The following TSPEAR variants were observed in gnomAD, a reference collection of about 807,000 sequenced individuals.
TSPEAR encodes thrombospondin type laminin G domain and EAR repeats.
Under a neutral mutation model 71.6 loss-of-function variants are expected in TSPEAR, and 69 were observed. The observed-to-expected ratio is 0.96, with a 90% CI of 0.79 to 1.18. The LOEUF is 1.18. Ranked by LOEUF, TSPEAR falls within the 50% of genes most tolerant of loss-of-function variation. TSPEAR has a pLI of 0.00. For missense variants in TSPEAR, 971 were observed against 894.9 expected, an observed-to-expected ratio of 1.09 and a Z score of -1.09; for synonymous variants, 402 against 387.2, an observed-to-expected ratio of 1.04 and a Z score of -0.45.
intron 1 of TSPEAR, among the ~76,000 whole-genome samples, chr21:44,649,573 C>T (rs1005522641): frequency 1.3e-5 from 2 of 152,230 alleles, no homozygotes; most frequent in South Asian, 2.1e-4. Flanking sequence ...GTGGCCCACA[C>T]GCATGCCACA....
chr21:44,658,864 G>C (rs931687969), intron 1 of TSPEAR, among the ~76,000 whole-genome samples: 4 of 152,082 alleles, frequency 2.6e-5, no homozygotes, highest in African/African-American at 9.7e-5. Flanking sequence ...TGTTGGGGGA[G>C]GGTAGAAGAA....
rs140542643 is a variant in TSPEAR, at chr21:44,567,919, G to A, written c.169C>T (p.Arg57Trp). The A allele has an allele frequency of 7.5e-4, 1,198 of 1,605,370 alleles. 2 individuals are homozygous for A. Among genetic ancestry groups the A allele is most frequent in the Non-Finnish European group, 7.4e-4 (871 of 1,174,822 alleles). The change falls in exon 2 of 12, where the codon CGG (arginine) becomes TGG (tryptophan). Residue 57 changes from arginine to tryptophan, a missense_variant. Arg to Trp is a moderately radical substitution (Grantham distance 101). Transcript: ENST00000323084. ...GCGGCTACTGAGAGCTGGAGTCCCCGTGCACCGTGAACCTGAACTATCCTG... is the reference window on the plus strand; with the variant it reads ...GCGGCTACTGAGAGCTGGAGTCCCCATGCACCGTGAACCTGAACTATCCTG... ...GIRIVQVHGA[R>W]GLQLSVAAPR...
intron 1 of TSPEAR, among the ~76,000 whole-genome samples, chr21:44,570,279 T>C (rs587657510): frequency 4.6e-5 from 7 of 152,350 alleles, no homozygotes; most frequent in Non-Finnish European, 1.0e-4. Context: ...CACTGTTTAA[T>C]TAAAATAGCC....
chr21:44,551,727 C>T (rs1431712092), intron 2 of TSPEAR, among the ~76,000 whole-genome samples: 1 of 152,134 alleles, frequency 6.6e-6, no homozygotes, highest in Non-Finnish European at 1.5e-5. Flanking sequence ...AGGACCGGCG[C>T]CCCTGGCTGA....
chr21:44,694,035 T>C (rs1601573182), intron 1 of TSPEAR, among the ~76,000 whole-genome samples: 1 of 152,122 alleles, frequency 6.6e-6, no homozygotes, highest in Non-Finnish European at 1.5e-5. Flanking sequence ...AACATAAGGA[T>C]AGACACAAAA....
intron 1 of TSPEAR, among the ~76,000 whole-genome samples, chr21:44,680,379 A>G (rs1986523491): frequency 6.6e-6 from 1 of 152,236 alleles, no homozygotes; most frequent in Admixed American, 6.5e-5. Context: ...CTATTATCAA[A>G]AAGACAAAAA....
At chr21:44,706,429 A>G (rs2146338157) in intron 1 of TSPEAR, among the ~76,000 whole-genome samples, 1 of 151,222 alleles carries the variant, frequency 6.6e-6, no homozygotes, top group South Asian at 2.1e-4. Flanking sequence ...ACGCGCGCAC[A>G]CACCCACGTG....
intron 2 of TSPEAR, among the ~76,000 whole-genome samples, chr21:44,536,070 C>T (rs1555916348): frequency 2.6e-5 from 4 of 152,242 alleles, no homozygotes; most frequent in African/African-American, 9.6e-5. Context: ...GTAGCTCAGA[C>T]TCAAGAGTTC....
At chr21:44,646,816 T>G in intron 1 of TSPEAR, 1 of 1,574,872 alleles carries the variant, frequency 6.3e-7, no homozygotes, top group Non-Finnish European at 8.6e-7. Context: ...GCCTGTCTGC[T>G]GTGGGGCTGC....
At chr21:44,649,027 A>C (rs1263107066) in intron 1 of TSPEAR, among the ~76,000 whole-genome samples, 4 of 152,142 alleles carry the variant, frequency 2.6e-5, no homozygotes, top group African/African-American at 9.7e-5. Context: ...TCTGTGAGGG[A>C]GATGCGGGAC....
At chr21:44,659,978 G>A (rs587658664) in intron 1 of TSPEAR, among the ~76,000 whole-genome samples, 6 of 152,234 alleles carry the variant, frequency 3.9e-5, no homozygotes, top group South Asian at 2.1e-4. Flanking sequence ...ATCAAAATAC[G>A]GTATCACAGA....
At chr21:44,637,330 C>T (rs587769122) in intron 1 of TSPEAR, 289 of 1,518,636 alleles carry the variant, frequency 1.9e-4, no homozygotes, top group South Asian at 1.5e-3. Flanking sequence ...ATATAAAAGC[C>T]CCAGCAGCTG....
intron 1 of TSPEAR, among the ~76,000 whole-genome samples, chr21:44,628,742 G>C (rs868926728): frequency 1.3e-5 from 2 of 152,168 alleles, no homozygotes; most frequent in Non-Finnish European, 2.9e-5. Flanking sequence ...CGGGCGGTGG[G>C]GGGTGGGTGT....
intron 1 of TSPEAR, chr21:44,579,891 T>G (rs781816161): frequency 1.6e-5 from 26 of 1,599,458 alleles, no homozygotes; most frequent in Middle Eastern, 1.7e-4. Context: ...CAGGCGGGCC[T>G]GCATATGGGG....
At chr21:44,540,246 G>T in intron 2 of TSPEAR, 1 of 1,547,040 alleles carries the variant, frequency 6.5e-7, no homozygotes, top group Non-Finnish European at 8.8e-7. Context: ...GTGAGTGTGT[G>T]AGCTTCGTGG....
At chr21:44,574,532 G>T (rs368235814) in intron 1 of TSPEAR, 3 of 1,588,998 alleles carry the variant, frequency 1.9e-6, no homozygotes, top group Non-Finnish European at 2.6e-6. Context: ...GCTGCCAGCC[G>T]GCTTGCTGCA....
intron 1 of TSPEAR, among the ~76,000 whole-genome samples, chr21:44,597,741 T>C (rs1004430443): frequency 6.6e-6 from 1 of 152,198 alleles, no homozygotes; most frequent in African/African-American, 2.4e-5. Context: ...CTCTATGCTC[T>C]TGTATTCAGG....
chr21:44,573,878 C>A (rs1348143980), intron 1 of TSPEAR: 5 of 1,608,964 alleles, frequency 3.1e-6, no homozygotes, highest in South Asian at 1.1e-5. Context: ...GCGAGCCCCC[C>A]TGCTGCGCCC....
chr21:44,672,506 C>G (rs1861251951), intron 1 of TSPEAR, among the ~76,000 whole-genome samples: 1 of 152,090 alleles, frequency 6.6e-6, no homozygotes, highest in African/African-American at 2.4e-5. Flanking sequence ...GGAGGCGGAG[C>G]TTGCAGTGAG....
Sources: allele counts gnomAD v4.1 joint callset (sites outside exome capture counted in the v4.1 genomes callset), GRCh38; gene constraint gnomAD v4.1.1; transcripts MANE v1.5; gene names NCBI Gene and HGNC (gene_info 2026-07-23, HGNC 2026-07-21).